BOD1L1: variants seen among roughly 807,000 people sequenced by gnomAD.
BOD1L1 encodes the protein biorientation of chromosomes in cell division 1 like 1.
BOD1L1 carries 86 observed loss-of-function variants against 240.7 expected under a neutral mutation model. The observed-to-expected ratio is 0.36, with a 90% CI of 0.30 to 0.43. The LOEUF (loss-of-function observed/expected upper bound fraction) is 0.43, where lower values mean the gene tolerates loss of function less well. BOD1L1 is among the 20% of genes least tolerant of loss of function. BOD1L1 has a pLI of 1.00. For missense variants in BOD1L1, 3,554 were observed against 3,643.5 expected, an observed-to-expected ratio of 0.98 and a Z score of 0.63; for synonymous variants, 1,268 against 1,272.3, an observed-to-expected ratio of 1.00 and a Z score of 0.07.
intron 25 of BOD1L1, chr4:13,572,889 C>G: frequency 7.8e-7 from 1 of 1,277,858 alleles, no homozygotes; most frequent in Non-Finnish European, 1.0e-6. Context: ...ACTGAATACT[C>G]CAGTCCCTGG....
At chr4:13,594,612 C>T (rs1431043990) in intron 12 of BOD1L1, among the ~76,000 whole-genome samples, 4 of 152,160 alleles carry the variant, frequency 2.6e-5, no homozygotes, top group South Asian at 2.1e-4. Flanking sequence ...ATTGGCCGAG[C>T]GCAGTGGCTT....
In BOD1L1 at chr4:13,600,092, T is replaced by G; in HGVS notation, c.6808A>C (p.Ser2270Arg). The G allele has an allele frequency of 6.2e-7, 1 of 1,613,802 alleles. No homozygotes were observed. The change falls in exon 10 of 26, where the codon AGT becomes CGT. Residue 2270 changes from serine (S) to arginine (R), a missense_variant. Transcript: ENST00000040738. ...SVEDCEGPVS[S>R]AVPQEEGDPS... is the part of the protein sequence containing the mutation. The stretch of plus-strand genomic sequence containing the variant: ...TCGCCTTCCTCTTGAGGGACAGCAC[T>G]GGACACTGGGCCCTCACAGTCTTCC...
In BOD1L1 at chr4:13,614,246, G is replaced by T; in HGVS notation, c.1124C>A (p.Pro375His). The T allele has an allele frequency of 6.5e-7, 1 of 1,533,616 alleles. No homozygotes were observed. Among genetic ancestry groups the T allele is most frequent in the Non-Finnish European group, 8.8e-7 (1 of 1,142,198 alleles). ...AGCTTTATTACTGTTCTTTTCTGAA[G>T]GAAGTTTTAAACTCTCTACTTCTTT... Reference protein sequence around the residue: ...KEKEVESLKLPSEKNSNKAKT... With the variant: ...KEKEVESLKLHSEKNSNKAKT... The change falls in exon 4 of 26, where the codon CCT becomes CAT. Residue 375 changes from proline (P) to histidine (H), a missense_variant. Pro to His is a moderately conservative substitution (Grantham distance 77). This residue lies in a region of BOD1L1 where 3,393 missense variants were observed against 3,427.1 expected (regional missense o/e 0.99). Transcript: ENST00000040738.
At chr4:13,621,283 G>A (rs1030036605) in intron 1 of BOD1L1, among the ~76,000 whole-genome samples, 1 of 152,234 alleles carries the variant, frequency 6.6e-6, no homozygotes, top group African/African-American at 2.4e-5. Flanking sequence ...GGATGAGTTT[G>A]AGTGTCCCTG....
chr4:13,612,906 C>G (rs1716293092), intron 5 of BOD1L1, among the ~76,000 whole-genome samples: 1 of 152,180 alleles, frequency 6.6e-6, no homozygotes, highest in African/African-American at 2.4e-5. Context: ...CTCTGGTGAA[C>G]TTCCCTGGTT....
chr4:13,588,398 A>G (rs1280235082), intron 15 of BOD1L1, among the ~76,000 whole-genome samples: 2 of 152,294 alleles, frequency 1.3e-5, no homozygotes, highest in East Asian at 3.9e-4. Flanking sequence ...AGCTATATAT[A>G]TCTTACAACT....
chr4:13,599,178 T>C lies in BOD1L1; in HGVS notation c.7722A>G (p.Gln2574=). ...TGTGGGAAGGAGCAATTTTTGATTC[T>C]TGGCCAGTAATACATTTGGTGGTAC... is the stretch of plus-strand genomic sequence containing the variant. ...KTSTTKCITG[Q]ESKIAPSHTM... Residue 2574 remains glutamine, a synonymous_variant, in exon 10 of 26, where the codon CAA becomes CAG. Coordinates refer to ENST00000040738, the MANE Select transcript of BOD1L1 (RefSeq NM_148894.3). The C allele has an allele frequency of 6.2e-7, 1 of 1,614,030 alleles. No homozygotes were observed. Among genetic ancestry groups the C allele is most frequent in the Non-Finnish European group, 8.5e-7 (1 of 1,179,886 alleles).
rs772209034 is a variant in BOD1L1, at chr4:13,601,985, C to T, written c.4915G>A (p.Glu1639Lys). 8 of 1,613,914 alleles carry T rather than the reference C, an allele frequency of 5.0e-6. No individual in the cohort carries two copies. The highest frequency in any genetic ancestry group is 3.3e-4 in the Middle Eastern group (2 of 6,084). ...GTCACAACGCTATTTACATTGGCTT[C>T]GATTTTAACTGCATGCACAGCCAGT... ...DLLAVHAVKIEANVNSVVTEE... is the reference protein window; with the variant it reads ...DLLAVHAVKIKANVNSVVTEE... The change falls in exon 10 of 26, where the codon GAA becomes AAA. Residue 1639 changes from glutamate to lysine, a missense_variant. Glu to Lys is a moderately conservative substitution (Grantham distance 56, BLOSUM62 1). Around this residue, in one of 2 missense-constraint regions of BOD1L1, gnomAD observed 3,393 missense variants for 3,427.1 expected, o/e 0.99. Coordinates refer to ENST00000040738, the MANE Select transcript of BOD1L1 (RefSeq NM_148894.3).
chr4:13,618,183 A>G (rs1238765147), intron 2 of BOD1L1, among the ~76,000 whole-genome samples: 2 of 152,218 alleles, frequency 1.3e-5, no homozygotes, highest in Admixed American at 6.5e-5. Flanking sequence ...TAGATTTTAT[A>G]CGCTATAAAA....
At chr4:13,578,736 G>T (rs556635987) in intron 22 of BOD1L1, among the ~76,000 whole-genome samples, 1 of 152,294 alleles carries the variant, frequency 6.6e-6, no homozygotes, top group South Asian at 2.1e-4. Flanking sequence ...CAATTTCAGT[G>T]TAGCTCTGCA....
Position 13,607,146 on chromosome 4 carries a change from C to G in BOD1L1, c.1786G>C (p.Asp596His). Residue 596 changes from aspartate (D) to histidine (H), a missense_variant, in exon 9 of 26, where the codon GAT becomes CAT. This residue lies in a region of BOD1L1 where 3,393 missense variants were observed against 3,427.1 expected (regional missense o/e 0.99). Coordinates refer to ENST00000040738, the MANE Select transcript of BOD1L1 (RefSeq NM_148894.3). ...NSKKKQQYEE[D>H]SKETLKTSEH... ...CTTGTTTTAAGGGTTTCTTTGGAAT[C>G]TTCTTCATATTGCTGTTTCTTTTTG... The G allele has an allele frequency of 6.4e-7, 1 of 1,574,208 alleles. No individual in the cohort carries two copies. Among genetic ancestry groups the G allele is most frequent in the Non-Finnish European group, 8.6e-7 (1 of 1,160,062 alleles).
rs892171811 is a variant in BOD1L1 at position 13,569,818 on chromosome 4, A to G, written c.*193T>C. ...AAACTTATTGTCCTTTATCTGAAATAAATGTACATAATATCTTCTATGAAC... is the reference window on the plus strand; with the variant it reads ...AAACTTATTGTCCTTTATCTGAAATGAATGTACATAATATCTTCTATGAAC... On this transcript the variant is annotated 3_prime_UTR_variant, in exon 26 of 26. Coordinates refer to ENST00000040738, the MANE Select transcript of BOD1L1 (RefSeq NM_148894.3). The G allele has an allele frequency of 1.4e-4, 52 of 377,944 alleles. No homozygotes were observed. The highest frequency in any genetic ancestry group is 6.8e-4 in the Admixed American group (15 of 21,964). The allele number at this position is 377,944 out of a possible 1,614,324, so 23.4% of individuals were successfully genotyped here.
chr4:13,602,822 T>G lies in BOD1L1; in HGVS notation c.4078A>C (p.Ile1360Leu). 6.2e-7 allele frequency: 1 copy of G among 1,614,050 alleles called. No individual in the cohort carries two copies. ...FTVDTPAKAS[I>L]TSKRHIPEAH... ...TCTGGAATGTGTCTTTTGCTAGTGA[T>G]GCTTGCTTTTGCTGGTGTATCTACT... Residue 1360 changes from isoleucine (I) to leucine (L), a missense_variant, in exon 10 of 26, where the codon ATC becomes CTC. This residue lies in a region of BOD1L1 where 3,393 missense variants were observed against 3,427.1 expected (regional missense o/e 0.99). Transcript: ENST00000040738.
intron 6 of BOD1L1, 74 bp downstream of exon 6, chr4:13,610,860 T>G (rs1716103892): frequency 9.2e-6 from 12 of 1,306,190 alleles, no homozygotes; most frequent in African/African-American, 3.0e-5. Context: ...TGCACATCAG[T>G]ACCTTGCAGA....
Position 13,610,980 on chromosome 4 carries a change from C to T in BOD1L1, c.1445G>A (p.Ser482Asn), listed in dbSNP as rs765203716. ...HKPYLYSKYY[S>N]DSDDELTVEQ... is the part of the protein sequence containing the mutation. ...TACAGTAAGCTCATCATCAGAATCA[C>T]TATAGTATTTTGAGTAAAGATATGG... Residue 482 changes from serine (S) to asparagine (N), a missense_variant, in exon 6 of 26, where the codon AGT becomes AAT. Transcript: ENST00000040738. 1 of 1,612,402 alleles carries T rather than the reference C, an allele frequency of 6.2e-7. No individual in the cohort carries two copies. Among genetic ancestry groups the T allele is most frequent in the Admixed American group, 1.7e-5 (1 of 59,710 alleles).
Position 13,600,624 on chromosome 4 carries a change from T to A in BOD1L1, c.6276A>T (p.Glu2092Asp), listed in dbSNP as rs1264749276. The change falls in exon 10 of 26, where the codon GAA (glutamate) becomes GAT (aspartate). Residue 2092 changes from glutamate (E) to aspartate (D), a missense_variant. Around this residue, in one of 2 missense-constraint regions of BOD1L1, gnomAD observed 3,393 missense variants for 3,427.1 expected, o/e 0.99. Coordinates refer to ENST00000040738, the MANE Select transcript of BOD1L1 (RefSeq NM_148894.3). ...TTCTCAGAGCATCTGAGAGACCTCC[T>A]TCCACATCTGTAATTGCGCTTACCT... Reference protein sequence around the residue: ...TPQVSAITDVEGGLSDALRTE... With the variant: ...TPQVSAITDVDGGLSDALRTE... 1 of 1,613,936 alleles carries A rather than the reference T, an allele frequency of 6.2e-7. No individual in the cohort carries two copies. The highest frequency in any genetic ancestry group is 1.1e-5 in the South Asian group (1 of 91,068).
At position 13,600,284 on chromosome 4, in the gene BOD1L1, C is replaced by T. The variant is rs761847065; in HGVS notation, c.6616G>A (p.Ala2206Thr). 4 of 1,613,946 alleles carry T rather than the reference C, an allele frequency of 2.5e-6. No individual in the cohort carries two copies. Among genetic ancestry groups the T allele is most frequent in the Non-Finnish European group, 3.4e-6 (4 of 1,179,902 alleles). Residue 2206 changes from alanine (A) to threonine (T), a missense_variant, in exon 10 of 26, where the codon GCC becomes ACC. Physicochemically the swap from Ala to Thr is moderately conservative, Grantham distance 58. Transcript: ENST00000040738. ...SAPPEAESPL[A>T]STSKEEKDEC... ...TCCTTCTCCTCCTTGCTGGTTGAGG[C>T]AAGAGGACTTTCAGCTTCTGGGGGC...
rs374872080 is a variant in BOD1L1, at chr4:13,570,081, C to G, written c.9086G>C (p.Ser3029Thr). ...GCCTCTTGTTCGGGCCCCAGGAGGG[C>G]TGACTTCTCTCTTGCGCTTGATAGA... Reference protein sequence around the residue: ...SPSIKRKREVSPPGARTRGQQ... With the variant: ...SPSIKRKREVTPPGARTRGQQ... Residue 3029 changes from serine to threonine, a missense_variant, in exon 26 of 26, where the codon AGC becomes ACC. This residue lies in a region of BOD1L1 where 3,393 missense variants were observed against 3,427.1 expected (regional missense o/e 0.99). Transcript: ENST00000040738. 2.5e-6 allele frequency: 4 copies of G among 1,605,686 alleles called. No individual in the cohort carries two copies. In the East Asian group the frequency reaches 6.8e-5, roughly 27 times the overall value.
rs932964488 is a variant in BOD1L1 at position 13,627,535 on chromosome 4, G to A, written c.53C>T (p.Pro18Leu). ...QPPPPAPPPP[P>L]PQPQPQPPPP... ...CGGTGGCTGCGGCTGCGGCTGCGGC[G>A]GGGGAGGCGGCGGCGCCGGAGGAGG... The change falls in exon 1 of 26, where the codon CCG (proline) becomes CTG (leucine). Residue 18 changes from proline to leucine, a missense_variant. This residue lies in a region of BOD1L1 where 161 missense variants were observed against 216.4 expected (regional missense o/e 0.74). Coordinates refer to ENST00000040738, the MANE Select transcript of BOD1L1 (RefSeq NM_148894.3). 5.7e-5 allele frequency: 64 copies of A among 1,118,326 alleles called. No individual in the cohort carries two copies. The highest frequency in any genetic ancestry group is 2.3e-4 in the African/African-American group (14 of 60,612). The allele number at this position is 1,118,326 out of a possible 1,614,324, so 69.3% of individuals were successfully genotyped here.
Sources: gnomAD v4.1 joint callset for allele counts (sites outside exome capture counted in the v4.1 genomes callset) on GRCh38, gnomAD v4.1.1 for gene constraint, gnomAD v4.1.1 regional missense constraint, MANE v1.5 for transcripts, NCBI Gene and HGNC (gene_info 2026-07-23, HGNC 2026-07-21) for gene names.